The following TENM4 variants were observed in gnomAD, a reference collection of about 807,000 sequenced individuals.
TENM4 encodes teneurin transmembrane protein 4.
A neutral mutation model predicts 243.3 loss-of-function variants in TENM4; 82 were observed. The ratio of observed to expected loss-of-function variants is 0.34; its 90% CI spans 0.28 to 0.40. The LOEUF is 0.40. Among genes scored for constraint, TENM4 ranks in the 10% least tolerant of loss-of-function variants. The probability of loss-of-function intolerance (pLI) is 1.00; values close to 1 mark genes in which losing one functional copy is unlikely to be tolerated. For missense variants in TENM4, 3,138 were observed against 3,673.3 expected (o/e 0.85, Z 3.77); for synonymous variants, 1,412 against 1,456.3 (o/e 0.97, Z 0.69).
chr11:79,381,172 A>C (rs1857994268), intron 1 of TENM4, among the ~76,000 whole-genome samples: 1 of 152,040 alleles, frequency 6.6e-6, no homozygotes, highest in Non-Finnish European at 1.5e-5. Context: ...CCTTGGCAAC[A>C]GTGCTCCCCA....
chr11:79,097,116 A>G (rs547826415), intron 4 of TENM4: 2 of 152,324 alleles, frequency 1.3e-5, no homozygotes, highest in East Asian at 3.9e-4. Context: ...CACATTTCAC[A>G]GATGAGGACA....
intron 3 of TENM4, among the ~76,000 whole-genome samples, chr11:79,204,734 C>G (rs1404333617): frequency 6.6e-6 from 1 of 152,130 alleles, no homozygotes; most frequent in Non-Finnish European, 1.5e-5. Flanking sequence ...CCTATGCGCT[C>G]CTAGGGTATA....
At chr11:79,179,714 A>C (rs558321571) in intron 3 of TENM4, among the ~76,000 whole-genome samples, 2 of 151,962 alleles carry the variant, frequency 1.3e-5, no homozygotes, top group Non-Finnish European at 2.9e-5. Context: ...CAGATGATAA[A>C]AAGTTTGAAG....
At chr11:79,019,930 G>A (rs907486942) in intron 6 of TENM4, among the ~76,000 whole-genome samples, 1 of 152,166 alleles carries the variant, frequency 6.6e-6, no homozygotes, top group African/African-American at 2.4e-5. Context: ...AAAGACAGGT[G>A]CCAAGGCCTT....
At chr11:79,125,561 G>A (rs370178604) in intron 4 of TENM4, among the ~76,000 whole-genome samples, 9 of 152,146 alleles carry the variant, frequency 5.9e-5, no homozygotes, top group Admixed American at 5.9e-4. Flanking sequence ...AACTTGGAAT[G>A]GGGGGTGTGT....
At chr11:79,406,450 A>G (rs1168738445) in intron 1 of TENM4, among the ~76,000 whole-genome samples, 1 of 152,230 alleles carries the variant, frequency 6.6e-6, no homozygotes, top group Non-Finnish European at 1.5e-5. Flanking sequence ...AGGGAGATGA[A>G]CAAGCATTGG....
intron 4 of TENM4, among the ~76,000 whole-genome samples, chr11:79,107,129 G>A (rs918313987): frequency 2.6e-5 from 4 of 152,060 alleles, no homozygotes; most frequent in African/African-American, 4.8e-5. Context: ...ACTTGCTCAC[G>A]GTTCTATTTC....
At chr11:79,265,351 G>GCAGC (rs1565275202) in intron 2 of TENM4, among the ~76,000 whole-genome samples, 2 of 152,320 alleles carry the variant, frequency 1.3e-5, no homozygotes, top group East Asian at 3.9e-4. Context: ...GTTCAATACT[G>GCAGC]CAGCCATTGG....
At chr11:79,237,229 G>A (rs192737004) in intron 2 of TENM4, among the ~76,000 whole-genome samples, 5 of 152,162 alleles carry the variant, frequency 3.3e-5, no homozygotes, top group South Asian at 4.2e-4. Flanking sequence ...CATACATTGC[G>A]CCTTAAAGAC....
chr11:78,765,061 G>C (rs1454082900), intron 18 of TENM4, among the ~76,000 whole-genome samples: 2 of 152,128 alleles, frequency 1.3e-5, no homozygotes, highest in Admixed American at 1.3e-4. Context: ...CAGTCTTTTT[G>C]CAGGCTTAAC....
At chr11:78,941,567 G>T (rs1371461357) in intron 6 of TENM4, among the ~76,000 whole-genome samples, 1 of 152,198 alleles carries the variant, frequency 6.6e-6, no homozygotes, top group Admixed American at 6.5e-5. Context: ...CTCGGAGGCA[G>T]GAAGGCAAGC....
At chr11:78,661,712 G>T in intron 32 of TENM4, 121 bp from the exon 33 acceptor site, 1 of 1,296,506 alleles carries the variant, frequency 7.7e-7, no homozygotes, top group Non-Finnish European at 1.1e-6. Flanking sequence ...TGCTGCTGGT[G>T]GGAGAGTCAA....
chr11:79,204,706 G>C (rs1047441131), intron 3 of TENM4, among the ~76,000 whole-genome samples: 1 of 152,202 alleles, frequency 6.6e-6, no homozygotes, highest in African/African-American at 2.4e-5. Flanking sequence ...AGATGTGCCT[G>C]CCCTGTGTCC....
chr11:79,273,940 G>T (rs1234547269), intron 2 of TENM4, among the ~76,000 whole-genome samples: 3 of 152,220 alleles, frequency 2.0e-5, no homozygotes, highest in African/African-American at 7.2e-5. Context: ...GCAAGACAAG[G>T]CTGTGCACAG....
At chr11:79,406,413 T>G (rs1027553675) in intron 1 of TENM4, among the ~76,000 whole-genome samples, 9 of 152,232 alleles carry the variant, frequency 5.9e-5, no homozygotes, top group Non-Finnish European at 1.5e-5. Context: ...TGTTGCCTCC[T>G]CATCCAAACT....
In TENM4 at chr11:79,225,287, T is replaced by A. The variant is rs750851587; in HGVS notation, c.-264-9378A>T. Among the ~76,000 whole-genome samples, 46 of 152,332 alleles carry A rather than the reference T, an allele frequency of 3.0e-4. No homozygotes were observed. In the Middle Eastern group the frequency reaches 0.014, roughly 45 times the overall value. On this transcript the variant is annotated intron_variant, in intron 2 of 33. Transcript: ENST00000278550. ...GCTTACACGCCTAAGAAAAGCAGAC[T>A]GGAGCAGCAGAAAGGGTCAGAAAAA...
intron 19 of TENM4, among the ~76,000 whole-genome samples, chr11:78,752,223 C>A (rs1194112086): frequency 6.6e-6 from 1 of 152,208 alleles, no homozygotes; most frequent in Non-Finnish European, 1.5e-5. Flanking sequence ...ACAGATGAAC[C>A]AGAGAGGGCC....
At chr11:79,213,691 G>T (rs1034122513) in intron 3 of TENM4, among the ~76,000 whole-genome samples, 2 of 152,184 alleles carry the variant, frequency 1.3e-5, no homozygotes, top group Non-Finnish European at 2.9e-5. Flanking sequence ...GGTGAGAGAG[G>T]GGTTGAAGAG....
chr11:79,417,272 G>A (rs1206436931), intron 1 of TENM4, among the ~76,000 whole-genome samples: 1 of 152,212 alleles, frequency 6.6e-6, no homozygotes, highest in Non-Finnish European at 1.5e-5. Context: ...CCAAGGGCAA[G>A]GCAGTGTAGT....
Sources: gnomAD v4.1 joint callset for allele counts (sites outside exome capture counted in the v4.1 genomes callset) on GRCh38, gnomAD v4.1.1 for gene constraint, MANE v1.5 for transcripts, NCBI Gene and HGNC (gene_info 2026-07-23, HGNC 2026-07-21) for gene names.